TCAIM: variants seen among roughly 807,000 people sequenced by gnomAD.
TCAIM encodes the protein T cell activation inhibitor, mitochondrial.
Under a neutral mutation model 58.6 loss-of-function variants are expected in TCAIM, and 36 were observed. The observed-to-expected ratio is 0.61, with a 90% CI of 0.47 to 0.81. The LOEUF is 0.81. Ranked by LOEUF, TCAIM falls within the 30% of genes least tolerant of loss-of-function variation. The pLI is 0.00. For synonymous variants in TCAIM, 172 were observed against 193.6 expected (o/e 0.89, Z 0.93); for missense variants, 466 against 579.6 (o/e 0.80, Z 2.01).
intron 4 of TCAIM, among the ~76,000 whole-genome samples, chr3:44,365,116 T>G (rs1701353329): frequency 6.6e-6 from 1 of 151,486 alleles, no homozygotes; most frequent in African/African-American, 2.4e-5. Context: ...GATGAGCTAT[T>G]TTTTCTTAAC....
intron 5 of TCAIM, among the ~76,000 whole-genome samples, chr3:44,370,943 A>C (rs1701458583): frequency 3.1e-5 from 4 of 131,008 alleles, no homozygotes; most frequent in Non-Finnish European, 6.4e-5. Flanking sequence ...ATGGAGTCTC[A>C]CTCTGTTGCC....
intron 3 of TCAIM, chr3:44,359,861 G>A (rs906430681): frequency 1.3e-5 from 2 of 152,094 alleles, no homozygotes; most frequent in Non-Finnish European, 1.5e-5. Context: ...GTGGTCTTGG[G>A]GACCCCTGAC....
At chr3:44,372,402 C>A (rs1701492726) in intron 5 of TCAIM, among the ~76,000 whole-genome samples, 1 of 152,104 alleles carries the variant, frequency 6.6e-6, no homozygotes, top group African/African-American at 2.4e-5. Flanking sequence ...TGGCCATATG[C>A]AGTTTAAATT....
chr3:44,406,180 G>T (rs1306392416), intron 10 of TCAIM, among the ~76,000 whole-genome samples: 1 of 152,084 alleles, frequency 6.6e-6, no homozygotes, highest in Admixed American at 6.6e-5. Flanking sequence ...GAGACTGTAG[G>T]CTTCTCCTAA....
intron 5 of TCAIM, among the ~76,000 whole-genome samples, chr3:44,373,524 C>T (rs566700803): frequency 3.3e-5 from 5 of 150,644 alleles, no homozygotes; most frequent in Admixed American, 6.6e-5. Flanking sequence ...CGTGATGATG[C>T]ATGCCTGTAG....
At position 44,401,234 on chromosome 3, in the gene TCAIM, G is replaced by T; in HGVS notation, c.1150G>T (p.Gly384Trp). The T allele has an allele frequency of 6.2e-7, 1 of 1,613,842 alleles. No homozygotes were observed. Among genetic ancestry groups the T allele is most frequent in the East Asian group, 2.2e-5 (1 of 44,856 alleles). ...DRYAPSLHELGHFNIPTLCDP... is the reference protein window; with the variant it reads ...DRYAPSLHELWHFNIPTLCDP... Reference sequence around the variant, plus strand: ...ATATGCTCCAAGCTTGCATGAACTCGGGCATTTTAATATTCCAACACTCTG... The same window carrying T: ...ATATGCTCCAAGCTTGCATGAACTCTGGCATTTTAATATTCCAACACTCTG... Residue 384 changes from glycine to tryptophan, a missense_variant, in exon 10 of 11, where the codon GGG becomes TGG. Physicochemically the swap from Gly to Trp is radical, Grantham distance 184. Transcript: ENST00000342649.
chr3:44,394,947 T>A (rs1227934044), intron 6 of TCAIM, among the ~76,000 whole-genome samples: 4 of 109,156 alleles, frequency 3.7e-5, no homozygotes, highest in African/African-American at 1.1e-4. Flanking sequence ...TATATATATA[T>A]ATATATATAT....
chr3:44,395,207 C>G (rs1323670386), intron 6 of TCAIM, among the ~76,000 whole-genome samples: 2 of 151,472 alleles, frequency 1.3e-5, no homozygotes, highest in Non-Finnish European at 2.9e-5. Flanking sequence ...TTCAAGTAAT[C>G]AAAAATTAAT....
intron 8 of TCAIM, among the ~76,000 whole-genome samples, chr3:44,398,322 T>G (rs1701967776): frequency 6.6e-6 from 1 of 151,928 alleles, no homozygotes; most frequent in Non-Finnish European, 1.5e-5. Flanking sequence ...CCCAGCTATT[T>G]GGGAGGCTGA....
At chr3:44,393,587 A>T (rs1453583750) in intron 6 of TCAIM, among the ~76,000 whole-genome samples, 1 of 152,182 alleles carries the variant, frequency 6.6e-6, no homozygotes, top group Non-Finnish European at 1.5e-5. Context: ...ACCCTCTTCC[A>T]TATACACATA....
intron 5 of TCAIM, among the ~76,000 whole-genome samples, chr3:44,373,132 T>G (rs1384249966): frequency 6.7e-6 from 1 of 149,678 alleles, no homozygotes; most frequent in Non-Finnish European, 1.5e-5. Context: ...TATTTTTATT[T>G]TTAAATATTT....
chr3:44,345,963 G>A (rs1700957419), intron 1 of TCAIM, among the ~76,000 whole-genome samples: 3 of 152,144 alleles, frequency 2.0e-5, no homozygotes, highest in South Asian at 4.1e-4. Flanking sequence ...GGGATGACAA[G>A]TTTTTGGGGT....
At chr3:44,392,694 T>C (rs574872116) in intron 5 of TCAIM, among the ~76,000 whole-genome samples, 161 bp from the exon 6 acceptor site, 285 of 152,344 alleles carry the variant, frequency 1.9e-3, no homozygotes, top group Admixed American at 2.9e-3. Context: ...CTATGGTATA[T>C]ATGTACCACA....
At chr3:44,397,632 T>C (rs1490875935) in intron 8 of TCAIM, among the ~76,000 whole-genome samples, 2 of 152,208 alleles carry the variant, frequency 1.3e-5, no homozygotes, top group African/African-American at 2.4e-5. Context: ...TTCCTTTCTC[T>C]TGGGTAAATA....
intron 5 of TCAIM, among the ~76,000 whole-genome samples, chr3:44,369,884 C>T (rs895171544): frequency 2.6e-5 from 4 of 152,102 alleles, no homozygotes; most frequent in Non-Finnish European, 4.4e-5. Flanking sequence ...TTGAAGAACT[C>T]GGGCTTTAAT....
intron 5 of TCAIM, among the ~76,000 whole-genome samples, chr3:44,378,843 C>G (rs754119456): frequency 6.6e-5 from 10 of 151,266 alleles, no homozygotes; most frequent in Non-Finnish European, 1.3e-4. Context: ...GATACCACCT[C>G]ATACCAGTTA....
Position 44,407,481 on chromosome 3 carries a change from A to G in TCAIM, c.1290A>G (p.Thr430=). The G allele has an allele frequency of 3.1e-6, 5 of 1,607,792 alleles. No homozygotes were observed. Among genetic ancestry groups the G allele is most frequent in the East Asian group, 2.2e-5 (1 of 44,782 alleles). Residue 430 remains threonine, a synonymous_variant, in exon 11 of 11, where the codon ACA becomes ACG. Coordinates refer to ENST00000342649, the MANE Select transcript of TCAIM (RefSeq NM_173826.4). ...VIENELIQAS[T]KKFSLEKLYK... is the part of the protein sequence containing the mutation. ...AAAATGAATTGATACAGGCATCAACAAAGAAATTTTCTTTGGAGAAGTTAT... is the reference window on the plus strand; with the variant it reads ...AAAATGAATTGATACAGGCATCAACGAAGAAATTTTCTTTGGAGAAGTTAT...
In TCAIM at chr3:44,367,520, CA is replaced by C; in HGVS notation, c.386del (p.Asn129ThrfsTer13). ...TGCTAAGCACAGTGTTATATATTCT[CA>C]ACTCCTGCAGTTTATCTGTTGAACA... ...DLLSTVLYIL[N>X]SCSLSVEHIQ... On this transcript the variant is annotated frameshift_variant, in exon 5 of 11. Transcript: ENST00000342649. LOFTEE classifies it high-confidence loss of function. The C allele has an allele frequency of 6.2e-7, 1 of 1,614,118 alleles. No individual in the cohort carries two copies. The highest frequency in any genetic ancestry group is 8.5e-7 in the Non-Finnish European group (1 of 1,179,994).
chr3:44,365,516 C>T (rs1200716020), intron 4 of TCAIM, among the ~76,000 whole-genome samples: 1 of 152,136 alleles, frequency 6.6e-6, no homozygotes, highest in South Asian at 2.1e-4. Flanking sequence ...TTAGTAGAGA[C>T]GGAGTTTCAC....
Sources: allele counts gnomAD v4.1 joint callset (sites outside exome capture counted in the v4.1 genomes callset), GRCh38; gene constraint gnomAD v4.1.1; transcripts MANE v1.5; gene names NCBI Gene and HGNC (gene_info 2026-07-23, HGNC 2026-07-21).